MLIP: variants seen among roughly 807,000 people sequenced by gnomAD.
MLIP encodes the protein muscular LMNA-interacting protein.
Under a neutral mutation model 84.8 loss-of-function variants are expected in MLIP, and 79 were observed. The ratio of observed to expected loss-of-function variants is 0.93; its 90% CI spans 0.78 to 1.12. The LOEUF is 1.12. Ranked by LOEUF, MLIP falls within the 50% of genes most tolerant of loss-of-function variation. MLIP has a pLI of 0.00. For missense variants in MLIP, 1,257 were observed against 1,160.6 expected, an observed-to-expected ratio of 1.08 and a Z score of -1.21; for synonymous variants, 504 against 463.0, an observed-to-expected ratio of 1.09 and a Z score of -1.14.
intron 1 of MLIP, among the ~76,000 whole-genome samples, chr6:54,117,969 GCAACAACAA>G (rs34572556): frequency 2.0e-5 from 3 of 149,628 alleles, no homozygotes; most frequent in Non-Finnish European, 4.4e-5. Flanking sequence ...AACAACAACA[GCAACAACAA>G]CAACAACAAC....
intron 1 of MLIP, among the ~76,000 whole-genome samples, chr6:54,023,984 A>G (rs1219101262): frequency 2.0e-5 from 3 of 152,174 alleles, no homozygotes; most frequent in Non-Finnish European, 4.4e-5. Context: ...TAATTCAGTG[A>G]AGGATAGCTC....
intron 8 of MLIP, among the ~76,000 whole-genome samples, chr6:54,165,917 C>T (rs887751188): frequency 6.6e-6 from 1 of 151,888 alleles, no homozygotes; most frequent in Non-Finnish European, 1.5e-5. Context: ...AGAGAAACCT[C>T]TTACCCTTTC....
rs567390280 is a variant in MLIP, at chr6:54,082,212, A to ATATAT, written c.64-39228_64-39224dup. 7.2e-4 allele frequency among the ~76,000 whole-genome samples: 110 copies of ATATAT among 152,290 alleles called. 2 individuals carry two copies. In the South Asian group the frequency reaches 0.022, roughly 31 times the overall value. ...TTCTTTGTACTATTTCATGGAATGA[A>ATATAT]TATATTATATTTATTTATCTATTCC... On this transcript the variant is annotated intron_variant, in intron 1 of 12. Transcript: ENST00000274897.
chr6:54,197,345 C>G (rs1778369095), intron 10 of MLIP, among the ~76,000 whole-genome samples: 1 of 151,980 alleles, frequency 6.6e-6, no homozygotes. Context: ...GATTGTGAAC[C>G]CTCTGAAAAC....
intron 1 of MLIP, among the ~76,000 whole-genome samples, chr6:54,042,375 C>T (rs958788846): frequency 2.6e-5 from 4 of 152,114 alleles, no homozygotes; most frequent in Non-Finnish European, 5.9e-5. Context: ...TCATCCTCCT[C>T]TTCCTTCTCT....
At chr6:54,029,911 C>T (rs541722528) in intron 1 of MLIP, among the ~76,000 whole-genome samples, 31 of 152,214 alleles carry the variant, frequency 2.0e-4, no homozygotes, top group Admixed American at 1.4e-3. Flanking sequence ...ACCATTTTCT[C>T]ATGTGTATAA....
Position 54,087,202 on chromosome 6 carries a change from T to C in MLIP, c.64-34245T>C, listed in dbSNP as rs17828317. On this transcript the variant is annotated intron_variant, in intron 1 of 12. Transcript: ENST00000274897. ...TGGTTTCTGGAAGTCTATTCTAATATGGCATCAAAGCCAAAACAACAACCT... is the reference window on the plus strand; with the variant it reads ...TGGTTTCTGGAAGTCTATTCTAATACGGCATCAAAGCCAAAACAACAACCT... 0.015 allele frequency among the ~76,000 whole-genome samples: 2,299 copies of C among 152,280 alleles called. 176 individuals are homozygous for C. The East Asian group carries it at 0.26, about 17-fold the overall frequency.
At chr6:54,215,015 A>G (rs1340844931) in intron 11 of MLIP, 2 of 633,320 alleles carry the variant, frequency 3.2e-6, no homozygotes, top group Non-Finnish European at 5.3e-6. Context: ...TCCCTCCCTC[A>G]TGTAGCTTAG....
intron 11 of MLIP, chr6:54,216,312 ACTT>A: frequency 1.0e-6 from 1 of 985,184 alleles, no homozygotes; most frequent in South Asian, 4.7e-5. Context: ...GTTACTTTTG[ACTT>A]CTTCAATTTT....
intron 12 of MLIP, among the ~76,000 whole-genome samples, chr6:54,244,586 T>A (rs1781953157): frequency 6.6e-6 from 1 of 152,206 alleles, no homozygotes; most frequent in African/African-American, 2.4e-5. Context: ...TCAATCATTT[T>A]TAGCTAGGTT....
intron 1 of MLIP, among the ~76,000 whole-genome samples, chr6:54,076,524 G>A (rs1339923260): frequency 6.6e-6 from 1 of 152,130 alleles, no homozygotes; most frequent in Non-Finnish European, 1.5e-5. Flanking sequence ...ATTGCAAGTG[G>A]GGTTTAATTA....
intron 1 of MLIP, among the ~76,000 whole-genome samples, chr6:54,055,838 G>A (rs1016560820): frequency 6.6e-6 from 1 of 152,082 alleles, no homozygotes; most frequent in Non-Finnish European, 1.5e-5. Flanking sequence ...ACCTGAAGGA[G>A]GAGTGCCTGC....
intron 1 of MLIP, among the ~76,000 whole-genome samples, chr6:54,052,155 A>G (rs569988986): frequency 1.3e-5 from 2 of 152,310 alleles, no homozygotes; most frequent in South Asian, 4.1e-4. Context: ...GAGAACGCTG[A>G]CTTGCCTAGT....
intron 12 of MLIP, among the ~76,000 whole-genome samples, chr6:54,250,372 G>T (rs1465585981): frequency 6.6e-6 from 1 of 151,866 alleles, no homozygotes; most frequent in Non-Finnish European, 1.5e-5. Context: ...TTTACCCAAA[G>T]GAATATAAAT....
At chr6:54,124,242 G>T (rs1380273650) in intron 2 of MLIP, among the ~76,000 whole-genome samples, 2 of 152,118 alleles carry the variant, frequency 1.3e-5, no homozygotes, top group Non-Finnish European at 2.9e-5. Flanking sequence ...AGGTTTGCCT[G>T]TTGATGTTGA....
chr6:54,216,587 A>G lies in MLIP; in HGVS notation c.2719-14127A>G, dbSNP rs970580467. ...TTATCCAAATTCTATCTTAAAAATT[A>G]TGTTGTGATTATTAAAAATCTTTTT... On this transcript the variant is annotated intron_variant, in intron 11 of 13. Transcript: ENST00000502396. 3.2e-5 allele frequency: 31 copies of G among 976,774 alleles called. No homozygotes were observed. The African/African-American group carries it at 4.7e-4, about 15-fold the overall frequency. The allele number at this position is 976,774 out of a possible 1,614,324, so 60.5% of individuals were successfully genotyped here.
intron 10 of MLIP, among the ~76,000 whole-genome samples, chr6:54,195,965 C>T (rs10155669): frequency 0.084 from 12,760 of 152,154 alleles, 673 homozygotes; most frequent in East Asian, 0.21. Flanking sequence ...GAAGTGGCCT[C>T]TTTCCTTGAC....
intron 4 of MLIP, among the ~76,000 whole-genome samples, chr6:54,141,625 T>C (rs1175860247): frequency 6.6e-6 from 1 of 151,974 alleles, no homozygotes; most frequent in African/African-American, 2.4e-5. Context: ...GATCAACATC[T>C]ATATTGTCTG....
At chr6:54,109,503 T>G (rs1160242597), upstream of MLIP, among the ~76,000 whole-genome samples, 1 of 152,168 alleles carries the variant, frequency 6.6e-6, no homozygotes, top group Non-Finnish European at 1.5e-5. Context: ...TCCAGGGTCC[T>G]GTGCTTTATG....
Sources: allele counts gnomAD v4.1 joint callset (sites outside exome capture counted in the v4.1 genomes callset), GRCh38; gene constraint gnomAD v4.1.1; transcripts MANE v1.5; gene names NCBI Gene and HGNC (gene_info 2026-07-23, HGNC 2026-07-21).